ZSCAN18: variants seen among roughly 807,000 people sequenced by gnomAD.
ZSCAN18 encodes the protein zinc finger and SCAN domain-containing protein 18.
In ZSCAN18, 16 loss-of-function variants were observed where a neutral mutation model predicts 31.1. The observed-to-expected ratio is 0.51, with a 90% CI of 0.35 to 0.78. The LOEUF (loss-of-function observed/expected upper bound fraction) is 0.78, where lower values mean the gene tolerates loss of function less well. Ranked by LOEUF, ZSCAN18 falls within the 30% of genes least tolerant of loss-of-function variation. The pLI, the probability that ZSCAN18 is intolerant of heterozygous loss-of-function variation, is 0.01. For missense variants in ZSCAN18, 731 were observed against 697.4 expected (o/e 1.05, Z -0.54); for synonymous variants, 375 against 320.7 (o/e 1.17, Z -1.81).
At chr19:58,096,669 C>T (rs1568638019) in intron 1 of ZSCAN18, among the ~76,000 whole-genome samples, 1 of 152,212 alleles carries the variant, frequency 6.6e-6, no homozygotes, top group Non-Finnish European at 1.5e-5. Context: ...CCACACTCAT[C>T]GGCAGGGTCT....
Position 58,086,960 on chromosome 19 carries a change from G to A in ZSCAN18, c.691C>T (p.His231Tyr), listed in dbSNP as rs1282907759. The change falls in exon 5 of 7, where the codon CAC (histidine) becomes TAC (tyrosine). Residue 231 changes from histidine (H) to tyrosine (Y), a missense_variant. Around this residue, in one of 4 missense-constraint regions of ZSCAN18, gnomAD observed 597 missense variants for 499.5 expected, o/e 1.20. Coordinates refer to ENST00000601144, the MANE Select transcript of ZSCAN18 (RefSeq NM_001145543.2). The stretch of plus-strand genomic sequence containing the variant: ...AGGTTCTCCTCGGCAGGGTCCAGGT[G>A]GCCCCACTCCCCCAGGTGCTGAGGG... ...EDPQHLGEWGHLDPAEENLKS... is the reference protein window; with the variant it reads ...EDPQHLGEWGYLDPAEENLKS... 6.2e-7 allele frequency: 1 copy of A among 1,613,818 alleles called. No homozygotes were observed. Among genetic ancestry groups the A allele is most frequent in the Non-Finnish European group, 8.5e-7 (1 of 1,179,998 alleles).
At chr19:58,118,373 A>C in exon 1 of ZSCAN18, 1 of 1,532,204 alleles carries the variant, frequency 6.5e-7, no homozygotes, top group Admixed American at 2.0e-5. Flanking sequence ...CGTCCTCGTC[A>C]GCTCGCCCTC....
chr19:58,108,290 G>C (rs1192216806), intron 1 of ZSCAN18: 1 of 985,342 alleles, frequency 1.0e-6, no homozygotes, highest in Non-Finnish European at 1.2e-6. Context: ...TTCTCAGATG[G>C]ACAATAAGGT....
chr19:58,116,852 T>C (rs1000811893), intron 1 of ZSCAN18, among the ~76,000 whole-genome samples: 41 of 151,572 alleles, frequency 2.7e-4, no homozygotes, highest in African/African-American at 5.3e-4. Flanking sequence ...TACCAGAGAG[T>C]AGAGGTGTGG....
chr19:58,085,517 G>A, intron 6 of ZSCAN18, 138 bp from the exon 7 acceptor site: 1 of 748,296 alleles, frequency 1.3e-6, no homozygotes, highest in Non-Finnish European at 2.1e-6. Flanking sequence ...CTGTTTGGAA[G>A]CAGCGCTGTC....
At chr19:58,104,465 G>A (rs994416771) in intron 1 of ZSCAN18, among the ~76,000 whole-genome samples, 3 of 151,968 alleles carry the variant, frequency 2.0e-5, no homozygotes, top group Non-Finnish European at 2.9e-5. Flanking sequence ...TTGGGAGGCA[G>A]AGATGGGCAG....
Position 58,090,837 on chromosome 19 carries a change from G to A in ZSCAN18, c.-119-451C>T, listed in dbSNP as rs1199376928. Among the ~76,000 whole-genome samples the A allele has an allele frequency of 2.6e-5, 4 of 151,090 alleles. No individual in the cohort carries two copies. Among genetic ancestry groups the A allele is most frequent in the South Asian group, 2.1e-4 (1 of 4,744 alleles). ...ACTCCTGACCTCAAATGGTCCACCC[G>A]CCTCAGCCTCCCAAAGTGCTGGGAT... On this transcript the variant is annotated intron_variant, in intron 1 of 6. Coordinates refer to ENST00000601144, the MANE Select transcript of ZSCAN18 (RefSeq NM_001145543.2). The surrounding 1 kb of genome is among the most constrained non-coding windows in gnomAD (Gnocchi z 4.7).
chr19:58,087,196 C>T, intron 4 of ZSCAN18, 120 bp downstream of exon 4: 2 of 1,175,670 alleles, frequency 1.7e-6, no homozygotes, highest in Non-Finnish European at 2.4e-6. Context: ...AGGGTGGGTT[C>T]TGGGCCTCAG....
intron 2 of ZSCAN18, among the ~76,000 whole-genome samples, chr19:58,089,650 T>C (rs1231194251): frequency 6.6e-6 from 1 of 151,824 alleles, no homozygotes; most frequent in African/African-American, 2.4e-5. Flanking sequence ...AATAAATAAG[T>C]AAATAAAAGA....
intron 1 of ZSCAN18, among the ~76,000 whole-genome samples, chr19:58,103,913 A>C (rs1399340924): frequency 6.6e-6 from 1 of 152,238 alleles, no homozygotes; most frequent in East Asian, 1.9e-4. Flanking sequence ...GTGAATGACA[A>C]GAAACTGAAA....
intron 1 of ZSCAN18, among the ~76,000 whole-genome samples, chr19:58,114,137 A>G (rs2554964): frequency 0.77 from 117,245 of 151,788 alleles, 45,858 homozygotes; most frequent in Non-Finnish European, 0.85. Flanking sequence ...GCATGGTGGC[A>G]CGTGCCTATA....
intron 1 of ZSCAN18, 147 bp downstream of exon 1, chr19:58,098,027 C>T (rs2074554092): frequency 1.0e-6 from 1 of 985,650 alleles, no homozygotes; most frequent in Non-Finnish European, 1.2e-6. Flanking sequence ...AGACCCTCGG[C>T]CTCCTGGACG....
upstream of ZSCAN18, among the ~76,000 whole-genome samples, chr19:58,101,530 T>C (rs1215484157): frequency 4.7e-5 from 7 of 150,346 alleles, no homozygotes; most frequent in East Asian, 1.4e-3. Context: ...TTTTTTTTTT[T>C]TTTTTTTGAG....
Position 58,098,211 on chromosome 19 carries a change from G to A in ZSCAN18, c.-157C>T, listed in dbSNP as rs953990919. On this transcript the variant is annotated 5_prime_UTR_variant, in exon 1 of 7. Coordinates refer to ENST00000601144, the MANE Select transcript of ZSCAN18 (RefSeq NM_001145543.2). ...TACCCCAGGCCGGTCCCAGCCGCCC[G>A]GAGCCCCAGTGCGCGATGGCGGCCG... The A allele has an allele frequency of 7.1e-6, 7 of 985,358 alleles. No homozygotes were observed. In the African/African-American group the frequency reaches 1.0e-4, roughly 15 times the overall value. 61.0% of individuals were successfully genotyped at this position (985,358 alleles called of 1,614,324 possible).
At chr19:58,103,662 T>A (rs545334099) in intron 1 of ZSCAN18, among the ~76,000 whole-genome samples, 1 of 152,082 alleles carries the variant, frequency 6.6e-6, no homozygotes, top group African/African-American at 2.4e-5. Flanking sequence ...GCCTCCCTAT[T>A]CCCTGAGACA....
At position 58,088,851 on chromosome 19, in the gene ZSCAN18, A is replaced by G. The variant is rs2074341289; in HGVS notation, c.404-14T>C. 1 of 1,605,336 alleles carries G rather than the reference A, an allele frequency of 6.2e-7. No individual in the cohort carries two copies. Among genetic ancestry groups the G allele is most frequent in the South Asian group, 1.1e-5 (1 of 90,786 alleles). ...CCAGCAGCATCCCTGTCAACAGTGG[A>G]GGGACCTGTGACCCCAAGAGGTCAG... On this transcript the variant is annotated splice_polypyrimidine_tract_variant and intron_variant, in intron 2 of 6. Coordinates refer to ENST00000601144, the MANE Select transcript of ZSCAN18 (RefSeq NM_001145543.2).
Position 58,084,425 on chromosome 19 carries a change from G to C in ZSCAN18, c.*260C>G. The C allele has an allele frequency of 2.3e-6, 1 of 431,440 alleles. No individual in the cohort carries two copies. Among genetic ancestry groups the C allele is most frequent in the Non-Finnish European group, 4.1e-6 (1 of 245,870 alleles). 26.7% of individuals were successfully genotyped at this position (431,440 alleles called of 1,614,324 possible). Reference sequence around the variant, plus strand: ...CATGGGGCGGCACTAAATGGCTGCAGGAAAGCCGAGTCTTCTTCCACATCC... The same window carrying C: ...CATGGGGCGGCACTAAATGGCTGCACGAAAGCCGAGTCTTCTTCCACATCC... On this transcript the variant is annotated 3_prime_UTR_variant, in exon 7 of 7. Coordinates refer to ENST00000601144, the MANE Select transcript of ZSCAN18 (RefSeq NM_001145543.2). The surrounding 1 kb of genome is among the most constrained non-coding windows in gnomAD (Gnocchi z 4.5).
chr19:58,086,500 G>A, intron 5 of ZSCAN18: 1 of 513,868 alleles, frequency 1.9e-6, no homozygotes, highest in Admixed American at 3.5e-5. Flanking sequence ...CAAAGCTAAA[G>A]AAAGACATTG....
chr19:58,102,322 A>G (rs993557124), upstream of ZSCAN18, among the ~76,000 whole-genome samples: 16 of 152,060 alleles, frequency 1.1e-4, no homozygotes, highest in African/African-American at 2.9e-4. Context: ...TTAGCCGGGC[A>G]TGGTGGCGGG....
Sources: gnomAD v4.1 joint callset for allele counts (sites outside exome capture counted in the v4.1 genomes callset) on GRCh38, gnomAD v4.1.1 for gene constraint, gnomAD v4.1.1 regional missense constraint, Gnocchi (gnomAD v3.1) non-coding constraint, MANE v1.5 for transcripts, NCBI Gene and HGNC (gene_info 2026-07-23, HGNC 2026-07-21) for gene names.